The following TBC1D19 variants were observed in gnomAD, a reference collection of about 807,000 sequenced individuals.
TBC1D19 encodes the protein TBC1 domain family member 19.
TBC1D19 carries 60 observed loss-of-function variants against 89.0 expected under a neutral mutation model. The observed-to-expected ratio is 0.67, with a 90% CI of 0.55 to 0.84. The LOEUF (loss-of-function observed/expected upper bound fraction) is 0.84, where lower values mean the gene tolerates loss of function less well. Ranked by LOEUF, TBC1D19 falls within the 40% of genes least tolerant of loss-of-function variation. The probability of loss-of-function intolerance (pLI) is 0.00; values close to 1 mark genes in which losing one functional copy is unlikely to be tolerated. For missense variants in TBC1D19, 500 were observed against 610.8 expected (o/e 0.82, Z 1.91); for synonymous variants, 189 against 199.7 (o/e 0.95, Z 0.45).
intron 17 of TBC1D19, among the ~76,000 whole-genome samples, chr4:26,741,433 A>G (rs953081634): frequency 2.7e-5 from 4 of 149,954 alleles, no homozygotes; most frequent in Non-Finnish European, 4.4e-5. Context: ...TCATATTTCT[A>G]TGCTCATATT....
At chr4:26,577,244 G>A (rs2109917427) in intron 1 of TBC1D19, among the ~76,000 whole-genome samples, 1 of 152,052 alleles carries the variant, frequency 6.6e-6, no homozygotes, top group South Asian at 2.1e-4. Context: ...AGCCTCCCCA[G>A]TCACATGAGC....
the TBC1D19 span, among the ~76,000 whole-genome samples, chr4:26,848,075 G>T: frequency 1.3e-5 from 2 of 152,206 alleles, no homozygotes; most frequent in Admixed American, 1.3e-4. Flanking sequence ...TGATATGGTG[G>T]TTAATTTTAA....
At chr4:26,634,453 C>T (rs532063527) in intron 4 of TBC1D19, among the ~76,000 whole-genome samples, 7 of 152,074 alleles carry the variant, frequency 4.6e-5, no homozygotes, top group African/African-American at 1.7e-4. Context: ...TAGCATCACC[C>T]AGGGTTTCAA....
At chr4:26,679,841 G>T (rs542417404) in intron 11 of TBC1D19, among the ~76,000 whole-genome samples, 7 of 152,230 alleles carry the variant, frequency 4.6e-5, no homozygotes, top group African/African-American at 1.7e-4. Context: ...GGAAGGGCAT[G>T]ATTGTGTTTT....
intron 7 of TBC1D19, among the ~76,000 whole-genome samples, chr4:26,644,162 T>A (rs1743748671): frequency 1.3e-5 from 2 of 151,658 alleles, no homozygotes; most frequent in African/African-American, 4.8e-5. Flanking sequence ...AACATTGATG[T>A]GAAAATTCTC....
At chr4:26,852,527 A>G in the TBC1D19 span, among the ~76,000 whole-genome samples, 2 of 152,178 alleles carry the variant, frequency 1.3e-5, no homozygotes, top group African/African-American at 2.4e-5. Context: ...ACTGTACTCC[A>G]GCCTGGGTGA....
chr4:26,620,807 A>T, intron 4 of TBC1D19, 119 bp downstream of exon 4: 1 of 801,874 alleles, frequency 1.2e-6, no homozygotes, highest in South Asian at 2.3e-5. Context: ...GGTAAGAACC[A>T]CTAAATTTAT....
At chr4:26,780,350 C>T in the TBC1D19 span, among the ~76,000 whole-genome samples, 1 of 152,174 alleles carries the variant, frequency 6.6e-6, no homozygotes, top group African/African-American at 2.4e-5. Context: ...CCTTTTTACC[C>T]TGCGGAATAA....
chr4:26,714,828 T>C (rs974319782), intron 13 of TBC1D19, among the ~76,000 whole-genome samples: 2 of 152,070 alleles, frequency 1.3e-5, no homozygotes, highest in Middle Eastern at 3.2e-3. Flanking sequence ...CTGACTTACT[T>C]TCCTTGCCTA....
intron 1 of TBC1D19, among the ~76,000 whole-genome samples, chr4:26,592,749 GA>G (rs1739905145): frequency 6.6e-6 from 1 of 151,418 alleles, no homozygotes; most frequent in East Asian, 1.9e-4. Context: ...TTGCTTCAAA[GA>G]GAATAAAATA....
chr4:26,685,524 TA>T (rs1203397563), intron 12 of TBC1D19, among the ~76,000 whole-genome samples: 4 of 152,172 alleles, frequency 2.6e-5, no homozygotes, highest in Non-Finnish European at 2.9e-5. Flanking sequence ...AAGCAGAAAG[TA>T]GTTATGGAAA....
chr4:26,577,122 G>GTTTTCA (rs1037391981), intron 1 of TBC1D19, among the ~76,000 whole-genome samples: 29 of 152,148 alleles, frequency 1.9e-4, no homozygotes, highest in African/African-American at 6.5e-4. Context: ...ATCTGCCTGA[G>GTTTTCA]TTTTCAGCCT....
At chr4:26,809,260 C>T in the TBC1D19 span, among the ~76,000 whole-genome samples, 14 of 152,292 alleles carry the variant, frequency 9.2e-5, no homozygotes, top group South Asian at 2.1e-4. Flanking sequence ...GCCCTGCAGA[C>T]GCTTCTCTCA....
intron 13 of TBC1D19, among the ~76,000 whole-genome samples, chr4:26,700,792 A>C (rs1715255867): frequency 6.6e-6 from 1 of 152,202 alleles, no homozygotes; most frequent in Non-Finnish European, 1.5e-5. Context: ...ACATTTCTTT[A>C]CTGCTACTAA....
chr4:26,653,288 C>A (rs1395602948), intron 7 of TBC1D19, among the ~76,000 whole-genome samples: 1 of 152,154 alleles, frequency 6.6e-6, no homozygotes, highest in East Asian at 1.9e-4. Context: ...TTGCTTCCAA[C>A]TATGTGATCA....
chr4:26,798,319 A>T, the TBC1D19 span, among the ~76,000 whole-genome samples: 1 of 152,194 alleles, frequency 6.6e-6, no homozygotes, highest in Non-Finnish European at 1.5e-5. Context: ...ATCACTAATT[A>T]TCAGAGAAAT....
At chr4:26,840,127 G>A in the TBC1D19 span, among the ~76,000 whole-genome samples, 1 of 151,386 alleles carries the variant, frequency 6.6e-6, no homozygotes, top group African/African-American at 2.4e-5. Flanking sequence ...TGTCGCCCAG[G>A]CTGGAGTGCA....
the TBC1D19 span, among the ~76,000 whole-genome samples, chr4:26,809,709 C>A: frequency 6.6e-6 from 1 of 152,168 alleles, no homozygotes; most frequent in Non-Finnish European, 1.5e-5. Context: ...TCAGAGTTAT[C>A]ACACCTGAGC....
chr4:26,652,768 A>T (rs1040922749), intron 7 of TBC1D19, among the ~76,000 whole-genome samples: 1 of 151,562 alleles, frequency 6.6e-6, no homozygotes, highest in Admixed American at 6.6e-5. Flanking sequence ...TTTCTTCTTT[A>T]TTAGTCTTGC....
Sources: gnomAD v4.1 joint callset for allele counts (sites outside exome capture counted in the v4.1 genomes callset) on GRCh38, gnomAD v4.1.1 for gene constraint, MANE v1.5 for transcripts, NCBI Gene and HGNC (gene_info 2026-07-23, HGNC 2026-07-21) for gene names.